Variants in SLIT2 observed in about 807,000 individuals in gnomAD.
SLIT2 encodes the protein slit guidance ligand 2, also known as slit homolog 2 protein.
SLIT2 carries 41 observed loss-of-function variants against 185.7 expected under a neutral mutation model. That is an observed-to-expected ratio of 0.22 (90% CI 0.17 to 0.29). The LOEUF (loss-of-function observed/expected upper bound fraction) is 0.29. SLIT2 is among the 10% of genes least tolerant of loss of function. The pLI is 1.00. For synonymous variants in SLIT2, 693 were observed against 680.2 expected, an observed-to-expected ratio of 1.02 and a Z score of -0.29; for missense variants, 1,571 against 1,909.0, an observed-to-expected ratio of 0.82 and a Z score of 3.30.
chr4:20,563,845 C>T (rs1221372072), intron 26 of SLIT2, among the ~76,000 whole-genome samples: 1 of 151,684 alleles, frequency 6.6e-6, no homozygotes, highest in African/African-American at 2.4e-5. Context: ...TTTGATCTCA[C>T]TAGGTTCCCT....
intron 26 of SLIT2, among the ~76,000 whole-genome samples, chr4:20,561,793 G>T (rs958854071): frequency 6.6e-6 from 1 of 151,416 alleles, no homozygotes; most frequent in Admixed American, 6.6e-5. Context: ...TATGCTAAAC[G>T]TACCATTTAA....
chr4:20,417,760 C>T (rs977789106), intron 4 of SLIT2, among the ~76,000 whole-genome samples: 4 of 151,842 alleles, frequency 2.6e-5, no homozygotes, highest in Admixed American at 2.0e-4. Context: ...GCTTGTGATC[C>T]GCCCGCCTCA....
At chr4:20,469,122 AG>A (rs1405851562) in intron 5 of SLIT2, among the ~76,000 whole-genome samples, 18 of 152,144 alleles carry the variant, frequency 1.2e-4, no homozygotes, top group African/African-American at 4.3e-4. Context: ...TTTGCTAGTT[AG>A]GGCTTCAAGA....
Position 20,521,209 on chromosome 4 carries a change from G to T in SLIT2, c.1130+1756G>T, listed in dbSNP as rs1248269909. On this transcript the variant is annotated intron_variant, in intron 12 of 36. Coordinates refer to ENST00000504154, the MANE Select transcript of SLIT2 (RefSeq NM_004787.4). ...AACACACATGCTAATAAAATATGGA[G>T]ATCTATATAGATAAACCTTACTTCT... 3.3e-5 allele frequency among the ~76,000 whole-genome samples: 5 copies of T among 152,258 alleles called. No individual in the cohort carries two copies. In the South Asian group the frequency reaches 8.3e-4, roughly 25 times the overall value.
chr4:20,282,902 T>C (rs1399728043), intron 4 of SLIT2, among the ~76,000 whole-genome samples: 5 of 152,236 alleles, frequency 3.3e-5, no homozygotes, highest in Non-Finnish European at 7.3e-5. Flanking sequence ...TTATTTTTTT[T>C]GTGCCAGCGT....
chr4:20,303,599 A>G (rs1717261335), intron 4 of SLIT2, among the ~76,000 whole-genome samples: 1 of 152,134 alleles, frequency 6.6e-6, no homozygotes. Context: ...TGGTGTGGCC[A>G]TGAGCATGGT....
At chr4:20,473,596 G>A (rs1715794742) in intron 5 of SLIT2, among the ~76,000 whole-genome samples, 1 of 151,970 alleles carries the variant, frequency 6.6e-6, no homozygotes, top group African/African-American at 2.4e-5. Context: ...CTGGAACTGT[G>A]TCATTTTCAA....
intron 4 of SLIT2, among the ~76,000 whole-genome samples, chr4:20,439,757 A>G (rs1156794972): frequency 6.6e-6 from 1 of 152,296 alleles, no homozygotes; most frequent in East Asian, 1.9e-4. Context: ...AAAACTCACA[A>G]TCTACTAATA....
At chr4:20,284,498 G>T (rs1173641857) in intron 4 of SLIT2, among the ~76,000 whole-genome samples, 1 of 152,136 alleles carries the variant, frequency 6.6e-6, no homozygotes, top group Admixed American at 6.5e-5. Flanking sequence ...GGAGAACAAA[G>T]GAACCATGGA....
intron 4 of SLIT2, among the ~76,000 whole-genome samples, chr4:20,416,302 G>T (rs1398628430): frequency 1.3e-5 from 2 of 152,136 alleles, no homozygotes; most frequent in East Asian, 3.9e-4. Context: ...CTTGCAGATG[G>T]CTGTCTTCTT....
chr4:20,535,648 A>C (rs1433468723), intron 18 of SLIT2, among the ~76,000 whole-genome samples: 1 of 152,118 alleles, frequency 6.6e-6, no homozygotes, highest in African/African-American at 2.4e-5. Flanking sequence ...GGAAGTGCTG[A>C]CAGGGTGGGT....
chr4:20,567,623 A>C lies in SLIT2; in HGVS notation c.2948+8A>C, dbSNP rs767377405. 1.9e-6 allele frequency: 3 copies of C among 1,595,678 alleles called. No homozygotes were observed. The highest frequency in any genetic ancestry group is 1.7e-5 in the Admixed American group (1 of 59,860). On this transcript the variant is annotated splice_region_variant and intron_variant, in intron 28 of 36. Transcript: ENST00000504154. Reference sequence around the variant, plus strand: ...AGAAGAAGATGGATTCTGGTAGGTCATTAGTCTATGACCATCTGTGTCTGA... The same window carrying C: ...AGAAGAAGATGGATTCTGGTAGGTCCTTAGTCTATGACCATCTGTGTCTGA...
chr4:20,560,831 ATAT>A lies in SLIT2; in HGVS notation c.2726-6426_2726-6424del, dbSNP rs375833014. Among the ~76,000 whole-genome samples the A allele has an allele frequency of 9.9e-5, 15 of 152,034 alleles. No homozygotes were observed. In the Middle Eastern group the frequency reaches 0.01, roughly 103 times the overall value. On this transcript the variant is annotated intron_variant, in intron 26 of 36. Coordinates refer to ENST00000504154, the MANE Select transcript of SLIT2 (RefSeq NM_004787.4). ...ATATGTTTATTCATTAATTAAACAA[ATAT>A]TATTCAAGTTCGTACAATGTTCAAG... is the stretch of plus-strand genomic sequence containing the variant.
In SLIT2 at chr4:20,310,751, C is replaced by G. The variant is rs901315342; in HGVS notation, c.395+41870C>G. Among the ~76,000 whole-genome samples, 3 of 152,150 alleles carry G rather than the reference C, an allele frequency of 2.0e-5. 1 individual carries two copies. The highest frequency in any genetic ancestry group is 2.0e-4 in the Admixed American group (3 of 15,278). ...TTGGTCTCATTCTGTAACTGAATTT[C>G]AAGTAAGTTTCCACTCATAAATCTT... On this transcript the variant is annotated intron_variant, in intron 4 of 36. Transcript: ENST00000504154.
intron 4 of SLIT2, among the ~76,000 whole-genome samples, chr4:20,360,109 T>TA (rs1203860724): frequency 1.3e-5 from 2 of 152,190 alleles, no homozygotes; most frequent in African/African-American, 2.4e-5. Context: ...CTCTACACTT[T>TA]AATCTTCACT....
At chr4:20,355,953 A>G (rs951418092) in intron 4 of SLIT2, among the ~76,000 whole-genome samples, 1 of 152,172 alleles carries the variant, frequency 6.6e-6, no homozygotes, top group Non-Finnish European at 1.5e-5. Context: ...GATAGGATAC[A>G]GACTTTTAAG....
At chr4:20,456,290 T>A (rs1436607638) in intron 4 of SLIT2, among the ~76,000 whole-genome samples, 1 of 152,144 alleles carries the variant, frequency 6.6e-6, no homozygotes, top group African/African-American at 2.4e-5. Flanking sequence ...AATTGTTAAA[T>A]GCAGCAAACA....
At position 20,253,810 on chromosome 4, in the gene SLIT2, G is replaced by A; in HGVS notation, c.-6G>A. On this transcript the variant is annotated 5_prime_UTR_variant, in exon 1 of 37. Coordinates refer to ENST00000504154, the MANE Select transcript of SLIT2 (RefSeq NM_004787.4). ...GTGCCGGCGAGGAAGGAGGCGGCGG[G>A]GAAAGATGCGCGGCGTTGGCTGGCA... The A allele has an allele frequency of 6.3e-7, 1 of 1,597,866 alleles. No individual in the cohort carries two copies. Among genetic ancestry groups the A allele is most frequent in the Non-Finnish European group, 8.5e-7 (1 of 1,178,832 alleles).
At chr4:20,354,827 T>G (rs1195684697) in intron 4 of SLIT2, among the ~76,000 whole-genome samples, 1 of 151,054 alleles carries the variant, frequency 6.6e-6, no homozygotes. Flanking sequence ...TTAATACAAT[T>G]ACTTTGAGAA....
Sources: gnomAD v4.1 joint callset for allele counts (sites outside exome capture counted in the v4.1 genomes callset) on GRCh38, gnomAD v4.1.1 for gene constraint, MANE v1.5 for transcripts, NCBI Gene and HGNC (gene_info 2026-07-23, HGNC 2026-07-21) for gene names.